Variants in OVOL2 observed in about 807,000 individuals in gnomAD.
OVOL2 encodes the protein transcription factor Ovo-like 2.
A neutral mutation model predicts 18.1 loss-of-function variants in OVOL2; 13 were observed. That is an observed-to-expected ratio of 0.72 (90% CI 0.47 to 1.14). The LOEUF is 1.14. Among genes scored for constraint, OVOL2 ranks in the 50% most tolerant of loss-of-function variants. The pLI is 0.00. For synonymous variants in OVOL2, 166 were observed against 162.7 expected, an observed-to-expected ratio of 1.02 and a Z score of -0.16; for missense variants, 335 against 383.0, an observed-to-expected ratio of 0.87 and a Z score of 1.05.
At chr20:18,055,206 T>A (rs1156662098) in intron 2 of OVOL2, among the ~76,000 whole-genome samples, 1 of 152,124 alleles carries the variant, frequency 6.6e-6, no homozygotes, top group Non-Finnish European at 1.5e-5. Context: ...GCCTAAAATA[T>A]TTGTTAAGAG....
At chr20:18,025,512 C>T (rs181958347) in intron 3 of OVOL2, among the ~76,000 whole-genome samples, 76 of 152,012 alleles carry the variant, frequency 5.0e-4, no homozygotes, top group African/African-American at 1.5e-3. Flanking sequence ...GAGGTTGTAG[C>T]GAGCTGAGAT....
chr20:18,032,378 GAGGAAGGA>G (rs150924331), intron 3 of OVOL2, among the ~76,000 whole-genome samples: 1 of 150,660 alleles, frequency 6.6e-6, no homozygotes, highest in Non-Finnish European at 1.5e-5. Context: ...GGAAGGGAAG[GAGGAAGGA>G]AGGAAGGAAG....
chr20:18,045,643 T>C (rs1433931810), intron 2 of OVOL2, among the ~76,000 whole-genome samples: 1 of 152,196 alleles, frequency 6.6e-6, no homozygotes. Context: ...TTTATTTTTG[T>C]TTGTTTTTAA....
At position 18,056,899 on chromosome 20, in the gene OVOL2, C is replaced by G; in HGVS notation, c.101-22G>C. ...CCCACTGTGGAGGGAGGGGCCGCGC[C>G]CCGACACACACACTCGGCGTCAACC... On this transcript the variant is annotated intron_variant, in intron 1 of 3. Transcript: ENST00000278780. This position sits in a 1 kb window ranked among gnomAD's most constrained non-coding sequence, Gnocchi z 4.2. 2 of 1,476,146 alleles carry G rather than the reference C, an allele frequency of 1.4e-6. No homozygotes were observed. Among genetic ancestry groups the G allele is most frequent in the African/African-American group, 1.5e-5 (1 of 68,432 alleles). The allele number at this position is 1,476,146 out of a possible 1,614,324, so 91.4% of individuals were successfully genotyped here. A position where few individuals can be genotyped will look rare whatever the true frequency, so the allele number is the denominator to read the frequency against.
chr20:18,050,871 G>A (rs1300143691), intron 2 of OVOL2: 1 of 152,316 alleles, frequency 6.6e-6, no homozygotes, highest in Non-Finnish European at 1.5e-5. Context: ...GATCTAGAGT[G>A]GAAAAGAGAA....
Position 18,057,821 on chromosome 20 carries a change from C to T in OVOL2, c.-187G>A. 1.5e-6 allele frequency: 2 copies of T among 1,366,392 alleles called. No individual in the cohort carries two copies. Among genetic ancestry groups the T allele is most frequent in the Non-Finnish European group, 1.9e-6 (2 of 1,067,088 alleles). The allele number at this position is 1,366,392 out of a possible 1,614,324, so 84.6% of individuals were successfully genotyped here. A position where few individuals can be genotyped will look rare whatever the true frequency, so the allele number is the denominator to read the frequency against. ...CCCCGCACGCCTGGCGACTCCCAGC[C>T]TCCCGGCTCGGCGACACCTATGCCT... On this transcript the variant is annotated 5_prime_UTR_variant, in exon 1 of 4. Coordinates refer to ENST00000278780, the MANE Select transcript of OVOL2 (RefSeq NM_021220.4). The surrounding 1 kb of genome is among the most constrained non-coding windows in gnomAD (Gnocchi z 6.3).
Position 18,042,258 on chromosome 20 carries a change from T to C in OVOL2, c.322-535A>G, listed in dbSNP as rs116249295. ...CTCCCCTTCTTCCTTAGAACAAACC[T>C]CTGACTTCTAGCTGGGCATACTGTC... On this transcript the variant is annotated intron_variant, in intron 2 of 3. Transcript: ENST00000278780. Among the ~76,000 whole-genome samples the C allele has an allele frequency of 8.6e-3, 1,307 of 152,054 alleles. 26 individuals are homozygous for C. Among genetic ancestry groups the C allele is most frequent in the African/African-American group, 0.03 (1,246 of 41,492 alleles).
At chr20:18,029,947 T>C (rs2036553007) in intron 3 of OVOL2, among the ~76,000 whole-genome samples, 1 of 152,104 alleles carries the variant, frequency 6.6e-6, no homozygotes, top group South Asian at 2.1e-4. Context: ...ACCACTGCAC[T>C]CCAGCCTGGG....
chr20:18,057,617 CA>C lies in OVOL2; in HGVS notation c.17del (p.Leu6ArgfsTer2). On this transcript the variant is annotated frameshift_variant, in exon 1 of 4. Transcript: ENST00000278780. LOFTEE classifies it high-confidence loss of function. This position sits in a 1 kb window ranked among gnomAD's most constrained non-coding sequence, Gnocchi z 6.3. ...AGACCCCCAGGCTCCTCCTCTTCAC[CA>C]GGAAGACTTTGGGCATGGTGGGGTC... MPKVFLVKRRSLGVSV... is the reference protein window; with the variant it reads MPKVFXVKRRSLGVSV... The C allele has an allele frequency of 6.3e-7, 1 of 1,589,466 alleles. No individual in the cohort carries two copies. Among genetic ancestry groups the C allele is most frequent in the Non-Finnish European group, 8.6e-7 (1 of 1,167,442 alleles).
At chr20:18,026,791 G>A (rs949602772) in intron 3 of OVOL2, among the ~76,000 whole-genome samples, 2 of 152,122 alleles carry the variant, frequency 1.3e-5, no homozygotes, top group Non-Finnish European at 2.9e-5. Flanking sequence ...CCTGAGGTCA[G>A]GTAAGGTAGT....
intron 2 of OVOL2, among the ~76,000 whole-genome samples, chr20:18,045,522 T>C (rs1381650071): frequency 6.6e-6 from 1 of 152,230 alleles, no homozygotes; most frequent in Non-Finnish European, 1.5e-5. Flanking sequence ...GTCGGTATTA[T>C]TTTGTTTGAA....
At chr20:18,032,529 T>C (rs1466474763) in intron 3 of OVOL2, among the ~76,000 whole-genome samples, 2 of 151,778 alleles carry the variant, frequency 1.3e-5, no homozygotes, top group Non-Finnish European at 2.9e-5. Flanking sequence ...TATTTTGAGA[T>C]GGAGTCTCAC....
At position 18,057,395 on chromosome 20, in the gene OVOL2, G is replaced by A; in HGVS notation, c.100+140C>T. 6 of 999,046 alleles carry A rather than the reference G, an allele frequency of 6.0e-6. No homozygotes were observed. The South Asian group carries it at 9.5e-5, about 16-fold the overall frequency. 61.9% of individuals were successfully genotyped at this position (999,046 alleles called of 1,614,324 possible). On this transcript the variant is annotated intron_variant, in intron 1 of 3. Transcript: ENST00000278780. This position sits in a 1 kb window ranked among gnomAD's most constrained non-coding sequence, Gnocchi z 6.3. Reference sequence around the variant, plus strand: ...AGTCCCTCATTGCCTGCCCTAACCCGCCTAGAAGACCCCCGCGTGCCCCCC... The same window carrying A: ...AGTCCCTCATTGCCTGCCCTAACCCACCTAGAAGACCCCCGCGTGCCCCCC...
At chr20:18,042,237 CCTT>C (rs2036678620) in intron 2 of OVOL2, among the ~76,000 whole-genome samples, 2 of 152,132 alleles carry the variant, frequency 1.3e-5, no homozygotes, top group South Asian at 4.1e-4. Context: ...TTTATTCTCC[CCTT>C]CTTCCTTAGA....
intron 3 of OVOL2, 131 bp from the exon 4 acceptor site, chr20:18,025,083 A>G: frequency 9.3e-7 from 1 of 1,078,934 alleles, no homozygotes; most frequent in South Asian, 1.6e-5. Context: ...TTACAGCAGG[A>G]GAGAAAACTG....
At chr20:18,041,418 C>A in intron 3 of OVOL2, 116 bp downstream of exon 3, 1 of 1,269,592 alleles carries the variant, frequency 7.9e-7, no homozygotes, top group Non-Finnish European at 1.1e-6. Flanking sequence ...ATCTTGTGAT[C>A]TTTCTAGAAA....
At chr20:18,047,399 A>G (rs965356455) in intron 2 of OVOL2, among the ~76,000 whole-genome samples, 3 of 149,242 alleles carry the variant, frequency 2.0e-5, no homozygotes, top group African/African-American at 7.5e-5. Context: ...AATCCCAGCT[A>G]CTCGGGAGGC....
At chr20:18,045,861 C>T (rs1355734389) in intron 2 of OVOL2, among the ~76,000 whole-genome samples, 2 of 152,118 alleles carry the variant, frequency 1.3e-5, no homozygotes, top group Non-Finnish European at 2.9e-5. Context: ...CTCAAGGGGA[C>T]GTTTCCTCTG....
rs1476420159 is a variant in OVOL2, at chr20:18,037,122, C to T, written c.511+4412G>A. On this transcript the variant is annotated intron_variant, in intron 3 of 3. Transcript: ENST00000278780. ...CCGCACTCCAGCCTGGGCGACAGAG[C>T]GAGACTCCGTCTCAAAAAAAAAAAA... 9.5e-5 allele frequency among the ~76,000 whole-genome samples: 12 copies of T among 125,782 alleles called. No homozygotes were observed. In the East Asian group the frequency reaches 1.5e-3, roughly 16 times the overall value. 82.5% of individuals were successfully genotyped at this position (125,782 alleles called of 152,430 possible).
Sources: gnomAD v4.1 joint callset for allele counts (sites outside exome capture counted in the v4.1 genomes callset) on GRCh38, gnomAD v4.1.1 for gene constraint, Gnocchi (gnomAD v3.1) non-coding constraint, MANE v1.5 for transcripts, NCBI Gene and HGNC (gene_info 2026-07-23, HGNC 2026-07-21) for gene names.